FARP1: variants seen among roughly 807,000 people sequenced by gnomAD.
FARP1 encodes the protein FERM, ARH/RhoGEF and pleckstrin domain protein 1.
A neutral mutation model predicts 128.8 loss-of-function variants in FARP1; 52 were observed. The observed-to-expected ratio is 0.40, with a 90% CI of 0.32 to 0.51. FARP1 has a LOEUF of 0.51. FARP1 is among the 20% of genes least tolerant of loss of function. FARP1 has a pLI of 0.45. For synonymous variants in FARP1, 580 were observed against 551.8 expected (o/e 1.05, Z -0.72); for missense variants, 1,333 against 1,367.9 (o/e 0.97, Z 0.40).
At chr13:98,237,554 TC>T (rs1304873417) in intron 2 of FARP1, among the ~76,000 whole-genome samples, 2 of 152,344 alleles carry the variant, frequency 1.3e-5, no homozygotes, top group East Asian at 3.9e-4. Flanking sequence ...CATGAGCGGT[TC>T]ATCTCCACTA....
chr13:98,349,796 T>A (rs974755944), intron 3 of FARP1, among the ~76,000 whole-genome samples: 3 of 151,780 alleles, frequency 2.0e-5, no homozygotes, highest in Non-Finnish European at 4.4e-5. Context: ...TTGTCATTCA[T>A]TTTCTGTCCT....
rs3839998 is a variant in FARP1, at chr13:98,234,547, C to CT, written c.171+21137dup. 64 of 152,248 alleles carry CT rather than the reference C, an allele frequency of 4.2e-4. 3 individuals carry two copies. In the East Asian group the frequency reaches 0.012, roughly 29 times the overall value. The allele number at this position is 152,248 out of a possible 1,614,324, so 9.4% of individuals were successfully genotyped here. A position where few individuals can be genotyped will look rare whatever the true frequency, so the allele number is the denominator to read the frequency against. On this transcript the variant is annotated intron_variant, in intron 2 of 26. Transcript: ENST00000319562. ...AAATTTCCACCTCCGTTTCACAATA[C>CT]TTTGTGTAGTGAAACCTGATGGAGT... is the stretch of plus-strand genomic sequence containing the variant.
chr13:98,445,410 C>T (rs987599499), intron 24 of FARP1: 3 of 152,204 alleles, frequency 2.0e-5, no homozygotes, highest in African/African-American at 7.2e-5. Context: ...AGGTGCCTGT[C>T]CCTGCCCCCT....
At chr13:98,153,112 T>G (rs1457949515) in intron 1 of FARP1, among the ~76,000 whole-genome samples, 5 of 151,380 alleles carry the variant, frequency 3.3e-5, no homozygotes, top group African/African-American at 1.2e-4. Context: ...TTAACTGGAG[T>G]GTTTGGTTCT....
chr13:98,418,302 T>G (rs1891467119), intron 16 of FARP1, among the ~76,000 whole-genome samples: 1 of 151,114 alleles, frequency 6.6e-6, no homozygotes. Flanking sequence ...TGAGATGGAG[T>G]TTCCCTCTGT....
At chr13:98,314,134 C>T (rs1886612228) in intron 2 of FARP1, among the ~76,000 whole-genome samples, 1 of 152,114 alleles carries the variant, frequency 6.6e-6, no homozygotes, top group African/African-American at 2.4e-5. Context: ...AACACTAGAT[C>T]TTACGTCAGT....
chr13:98,205,243 T>G (rs192902099), intron 1 of FARP1, among the ~76,000 whole-genome samples: 73 of 152,348 alleles, frequency 4.8e-4, no homozygotes, highest in African/African-American at 1.6e-3. Context: ...TATCTTCATT[T>G]ATTATGCACA....
At chr13:98,181,794 A>G (rs887616771) in intron 1 of FARP1, among the ~76,000 whole-genome samples, 2 of 151,926 alleles carry the variant, frequency 1.3e-5, no homozygotes, top group African/African-American at 4.8e-5. Flanking sequence ...GTGCCTGGCC[A>G]ATGATGTTGG....
chr13:98,275,174 G>T (rs759305845), intron 2 of FARP1, among the ~76,000 whole-genome samples: 2 of 152,078 alleles, frequency 1.3e-5, no homozygotes, highest in Non-Finnish European at 2.9e-5. Flanking sequence ...ATAAGTTAAT[G>T]CCTTAACTTA....
At chr13:98,306,023 C>G (rs143702170) in intron 2 of FARP1, among the ~76,000 whole-genome samples, 8 of 152,270 alleles carry the variant, frequency 5.3e-5, no homozygotes, top group African/African-American at 1.4e-4. Context: ...TGCAGAGACC[C>G]ATCTTCAGTA....
intron 2 of FARP1, among the ~76,000 whole-genome samples, chr13:98,264,922 C>T (rs559113404): frequency 1.7e-4 from 26 of 152,308 alleles, no homozygotes; most frequent in Middle Eastern, 6.8e-3. Flanking sequence ...GGGAAGTCCA[C>T]GCCACCTCTG....
intron 5 of FARP1, among the ~76,000 whole-genome samples, chr13:98,372,256 T>G (rs1163428078): frequency 2.6e-5 from 4 of 151,982 alleles, no homozygotes; most frequent in Non-Finnish European, 4.4e-5. Context: ...CCAGCTAATT[T>G]TTGTATTTTT....
intron 1 of FARP1, among the ~76,000 whole-genome samples, chr13:98,165,654 C>A (rs1394478697): frequency 7.3e-6 from 1 of 137,554 alleles, no homozygotes; most frequent in East Asian, 2.3e-4. Context: ...CCTGGTAAGA[C>A]CTTAATATGA....
At chr13:98,367,984 C>T in intron 4 of FARP1, 133 bp from the exon 5 acceptor site, 1 of 663,380 alleles carries the variant, frequency 1.5e-6, no homozygotes, top group South Asian at 1.9e-5. Flanking sequence ...TGTTAAGTGA[C>T]TTGGAAAATG....
chr13:98,203,094 G>A (rs1880051338), intron 1 of FARP1, among the ~76,000 whole-genome samples: 1 of 152,174 alleles, frequency 6.6e-6, no homozygotes. Context: ...CTGATGAAAA[G>A]CCAGTCCCCA....
At chr13:98,278,884 G>C (rs936045094) in intron 2 of FARP1, among the ~76,000 whole-genome samples, 1 of 152,064 alleles carries the variant, frequency 6.6e-6, no homozygotes, top group African/African-American at 2.4e-5. Context: ...GGAGTGCAGT[G>C]GTGCGATCTC....
intron 3 of FARP1, among the ~76,000 whole-genome samples, chr13:98,357,958 T>G (rs1888705864): frequency 1.3e-5 from 2 of 152,152 alleles, no homozygotes; most frequent in South Asian, 4.1e-4. Flanking sequence ...GCGTGACTCT[T>G]CAGCACTCTG....
At chr13:98,254,635 C>T (rs1457204199) in intron 2 of FARP1, among the ~76,000 whole-genome samples, 15 of 152,228 alleles carry the variant, frequency 9.9e-5, no homozygotes, top group African/African-American at 3.6e-4. Context: ...GTAGCCTGGC[C>T]AGCTGTTTAC....
intron 2 of FARP1, among the ~76,000 whole-genome samples, chr13:98,232,522 G>A (rs1882192082): frequency 6.6e-6 from 1 of 152,194 alleles, no homozygotes; most frequent in Non-Finnish European, 1.5e-5. Flanking sequence ...CATTTCGCAT[G>A]TCTATTGGCC....
Sources: gnomAD v4.1 joint callset for allele counts (sites outside exome capture counted in the v4.1 genomes callset) on GRCh38, gnomAD v4.1.1 for gene constraint, MANE v1.5 for transcripts, NCBI Gene and HGNC (gene_info 2026-07-23, HGNC 2026-07-21) for gene names.